HPSE2: variants seen among roughly 807,000 people sequenced by gnomAD.
The protein encoded by HPSE2 is inactive heparanase-2.
HPSE2 carries 38 observed loss-of-function variants against 60.5 expected under a neutral mutation model. The observed-to-expected ratio is 0.63, with a 90% CI of 0.48 to 0.82. HPSE2 has a LOEUF of 0.82. HPSE2 is among the 40% of genes least tolerant of loss of function. The probability of loss-of-function intolerance (pLI) is 0.00; values close to 1 mark genes in which losing one functional copy is unlikely to be tolerated. For missense variants in HPSE2, 713 were observed against 740.4 expected (o/e 0.96, Z 0.43); for synonymous variants, 295 against 293.2 (o/e 1.01, Z -0.06).
intron 3 of HPSE2, among the ~76,000 whole-genome samples, chr10:98,878,728 T>A (rs955882163): frequency 6.6e-6 from 1 of 152,002 alleles, no homozygotes; most frequent in Non-Finnish European, 1.5e-5. Context: ...GGGAAGCCAC[T>A]GATGTTTTTT....
chr10:98,625,472 TG>T (rs939678518), intron 7 of HPSE2, among the ~76,000 whole-genome samples: 7 of 152,184 alleles, frequency 4.6e-5, no homozygotes, highest in Non-Finnish European at 1.0e-4. Flanking sequence ...CAAGGTGATT[TG>T]GATACCAGAA....
chr10:99,087,725 T>C (rs1013739934), intron 3 of HPSE2, among the ~76,000 whole-genome samples: 11 of 152,156 alleles, frequency 7.2e-5, no homozygotes, highest in South Asian at 2.1e-4. Context: ...AAATTTTTCA[T>C]TTCTGGATCT....
At chr10:98,939,730 A>G (rs1310316042) in intron 3 of HPSE2, among the ~76,000 whole-genome samples, 1 of 144,078 alleles carries the variant, frequency 6.9e-6, no homozygotes, top group African/African-American at 2.8e-5. Context: ...CACCAAGCAG[A>G]CCTAATAGAC....
the HPSE2 span, among the ~76,000 whole-genome samples, chr10:99,259,098 G>A: frequency 6.6e-6 from 1 of 152,132 alleles, no homozygotes; most frequent in African/African-American, 2.4e-5. Context: ...CTGAGGTCAG[G>A]AGTTCAAGAC....
At chr10:99,282,023 G>A in the HPSE2 span, among the ~76,000 whole-genome samples, 2 of 152,134 alleles carry the variant, frequency 1.3e-5, no homozygotes, top group Non-Finnish European at 2.9e-5. Context: ...ACTTTGGGAG[G>A]CCGAGGTAGG....
intron 3 of HPSE2, among the ~76,000 whole-genome samples, chr10:99,089,986 G>T (rs1036971473): frequency 2.0e-5 from 3 of 152,114 alleles, no homozygotes; most frequent in South Asian, 2.1e-4. Context: ...ATTGCTGTTG[G>T]TGTATAGCAG....
Position 98,928,037 on chromosome 10 carries a change from C to T in HPSE2, c.611-183981G>A, listed in dbSNP as rs28793681. ...TCTGCACAGCAAAAGAAACTACCAT[C>T]AGAGTGAACAGGCAACCTACAAAAT... is the stretch of plus-strand genomic sequence containing the variant. On this transcript the variant is annotated intron_variant, in intron 3 of 11. Coordinates refer to ENST00000370552, the MANE Select transcript of HPSE2 (RefSeq NM_021828.5). Among the ~76,000 whole-genome samples, 66 of 144,672 alleles carry T rather than the reference C, an allele frequency of 4.6e-4. No individual in the cohort carries two copies. In the East Asian group the frequency reaches 9.0e-3, roughly 20 times the overall value. The allele number at this position is 144,672 out of a possible 152,430, so 94.9% of individuals were successfully genotyped here. A position where few individuals can be genotyped will look rare whatever the true frequency, so the allele number is the denominator to read the frequency against.
chr10:98,890,288 A>T (rs537515294), intron 3 of HPSE2, among the ~76,000 whole-genome samples: 2 of 152,288 alleles, frequency 1.3e-5, no homozygotes, highest in African/African-American at 4.8e-5. Flanking sequence ...GGTATCATTG[A>T]TTGTAATCAG....
At chr10:98,696,597 G>T (rs1454973905) in intron 5 of HPSE2, among the ~76,000 whole-genome samples, 2 of 24,674 alleles carry the variant, frequency 8.1e-5, no homozygotes, top group Non-Finnish European at 1.1e-4. Flanking sequence ...CTGGGGCGAG[G>T]GTCCCAACCA....
rs1477468346 is a variant in HPSE2 at position 98,614,997 on chromosome 10, C to T, written c.1227G>A (p.Met409Ile). Reference protein sequence around the residue: ...AGFLWLNTLGMLANQGIDVVI... With the variant: ...AGFLWLNTLGILANQGIDVVI... ...CGACATCAATGCCCTGATTGGCCAG[C>T]ATTCCTAAAGTGTTCAACCATCTAA... The change falls in exon 9 of 12, where the codon ATG (methionine) becomes ATA (isoleucine). Residue 409 changes from methionine (M) to isoleucine (I), a missense_variant. Transcript: ENST00000370552. 4 of 1,613,722 alleles carry T rather than the reference C, an allele frequency of 2.5e-6. No homozygotes were observed. Among genetic ancestry groups the T allele is most frequent in the African/African-American group, 1.3e-5 (1 of 74,898 alleles).
intron 5 of HPSE2, among the ~76,000 whole-genome samples, chr10:98,715,087 C>A (rs1948759744): frequency 6.6e-6 from 1 of 151,856 alleles, no homozygotes; most frequent in Non-Finnish European, 1.5e-5. Context: ...GGATACCATT[C>A]TCTTATCAGA....
intron 3 of HPSE2, among the ~76,000 whole-genome samples, chr10:99,085,436 TAAG>T (rs1843285115): frequency 6.6e-6 from 1 of 152,166 alleles, no homozygotes; most frequent in Non-Finnish European, 1.5e-5. Flanking sequence ...AAGACTCCCC[TAAG>T]AAGATAAGAA....
At chr10:98,532,347 G>A (rs939994086) in intron 9 of HPSE2, among the ~76,000 whole-genome samples, 7 of 152,140 alleles carry the variant, frequency 4.6e-5, no homozygotes, top group African/African-American at 1.7e-4. Flanking sequence ...TGCTATAAAG[G>A]GAGTTGGGAA....
intron 2 of HPSE2, among the ~76,000 whole-genome samples, chr10:99,149,675 A>G (rs568972599): frequency 6.6e-6 from 1 of 152,316 alleles, no homozygotes; most frequent in South Asian, 2.1e-4. Flanking sequence ...TTATTATTGG[A>G]GGATAGTATT....
chr10:98,801,415 A>G (rs376504307), intron 3 of HPSE2, among the ~76,000 whole-genome samples: 1 of 152,214 alleles, frequency 6.6e-6, no homozygotes, highest in Non-Finnish European at 1.5e-5. Context: ...AAAGAAGTCA[A>G]ATTTCCTTGT....
chr10:98,561,712 G>A (rs1248116680), intron 9 of HPSE2, among the ~76,000 whole-genome samples: 1 of 152,162 alleles, frequency 6.6e-6, no homozygotes, highest in African/African-American at 2.4e-5. Flanking sequence ...GCTGGGTGTG[G>A]TGGCGGGCGC....
intron 3 of HPSE2, among the ~76,000 whole-genome samples, chr10:98,892,512 C>A (rs1953364207): frequency 6.6e-6 from 1 of 152,124 alleles, no homozygotes; most frequent in Non-Finnish European, 1.5e-5. Flanking sequence ...CAGAAATGAA[C>A]AAATGTAAAC....
At chr10:98,599,274 G>A (rs973442605) in intron 9 of HPSE2, among the ~76,000 whole-genome samples, 2 of 152,082 alleles carry the variant, frequency 1.3e-5, no homozygotes, top group South Asian at 2.1e-4. Context: ...GCTGGCTGGT[G>A]CTAGACGGGT....
chr10:98,659,183 C>T (rs940454392), intron 6 of HPSE2, among the ~76,000 whole-genome samples: 6 of 151,908 alleles, frequency 3.9e-5, no homozygotes, highest in Admixed American at 2.6e-4. Context: ...TACATTCATC[C>T]CTCAGTATAT....
Sources: allele counts gnomAD v4.1 joint callset (sites outside exome capture counted in the v4.1 genomes callset), GRCh38; gene constraint gnomAD v4.1.1; transcripts MANE v1.5; gene names NCBI Gene and HGNC (gene_info 2026-07-23, HGNC 2026-07-21).